PDE4D: variants seen among roughly 807,000 people sequenced by gnomAD.
PDE4D encodes 3',5'-cyclic-AMP phosphodiesterase 4D.
PDE4D carries 24 observed loss-of-function variants against 87.4 expected under a neutral mutation model. The observed-to-expected ratio is 0.27, with a 90% confidence interval of 0.20 to 0.39. The LOEUF is 0.39. PDE4D is among the 10% of genes least tolerant of loss of function. PDE4D has a pLI of 1.00. For synonymous variants in PDE4D, 384 were observed against 383.2 expected (o/e 1.00, Z -0.02); for missense variants, 714 against 1,041.0 (o/e 0.69, Z 4.32).
chr5:59,480,916 C>A (rs1034939442), intron 1 of PDE4D, among the ~76,000 whole-genome samples: 1 of 152,120 alleles, frequency 6.6e-6, no homozygotes, highest in Non-Finnish European at 1.5e-5. Flanking sequence ...CAAGGCCAAT[C>A]GGCTTTAGTG....
intron 1 of PDE4D, chr5:59,768,347 A>G (rs759145497): frequency 6.3e-7 from 1 of 1,598,288 alleles, no homozygotes; most frequent in South Asian, 1.1e-5. Flanking sequence ...ATCACTGGAG[A>G]GAGCTTGGGA....
intron 1 of PDE4D, among the ~76,000 whole-genome samples, chr5:60,253,489 T>A (rs1311965772): frequency 3.3e-5 from 5 of 151,920 alleles, no homozygotes; most frequent in Non-Finnish European, 7.4e-5. Context: ...GAGTCTTCTT[T>A]GGAATATTAG....
intron 1 of PDE4D, among the ~76,000 whole-genome samples, chr5:59,454,550 C>T (rs1799633154): frequency 6.6e-6 from 1 of 152,132 alleles, no homozygotes; most frequent in African/African-American, 2.4e-5. Flanking sequence ...TCTCCCCAGT[C>T]TCAGGTATGT....
intron 1 of PDE4D, among the ~76,000 whole-genome samples, chr5:59,556,312 G>A (rs1818905892): frequency 6.6e-6 from 1 of 151,906 alleles, no homozygotes; most frequent in Non-Finnish European, 1.5e-5. Flanking sequence ...CTCATTCTCT[G>A]TACATTTCTT....
At chr5:59,179,377 C>A (rs2153477361) in intron 5 of PDE4D, among the ~76,000 whole-genome samples, 1 of 152,298 alleles carries the variant, frequency 6.6e-6, no homozygotes, top group Non-Finnish European at 1.5e-5. Flanking sequence ...GCTGAGATTA[C>A]AAGCGTGAGC....
At chr5:59,261,847 G>A (rs1762056646) in intron 1 of PDE4D, among the ~76,000 whole-genome samples, 1 of 151,696 alleles carries the variant, frequency 6.6e-6, no homozygotes, top group Non-Finnish European at 1.5e-5. Flanking sequence ...AATTTACCTA[G>A]AATAAAAATA....
At chr5:60,347,929 A>C (rs76644444) in intron 1 of PDE4D, among the ~76,000 whole-genome samples, 4,127 of 152,270 alleles carry the variant, frequency 0.027, 167 homozygotes, top group African/African-American at 0.094. Flanking sequence ...TTCCCTTCTC[A>C]GTTGTTTTCT....
intron 1 of PDE4D, among the ~76,000 whole-genome samples, chr5:59,311,330 G>A (rs547075139): frequency 9.3e-5 from 14 of 151,134 alleles, no homozygotes; most frequent in Admixed American, 4.0e-4. Flanking sequence ...ACAAAACCCC[G>A]TCTCTACTAA....
chr5:58,984,934 T>C (rs1746058781), intron 11 of PDE4D, among the ~76,000 whole-genome samples: 1 of 152,186 alleles, frequency 6.6e-6, no homozygotes, highest in Admixed American at 6.5e-5. Context: ...TTATTTGAGA[T>C]GGAGTTTCAC....
At chr5:59,395,511 A>C (rs965689618) in intron 1 of PDE4D, among the ~76,000 whole-genome samples, 1 of 152,070 alleles carries the variant, frequency 6.6e-6, no homozygotes, top group African/African-American at 2.4e-5. Flanking sequence ...ACAGACCTGC[A>C]GCTGAGGGTC....
intron 1 of PDE4D, among the ~76,000 whole-genome samples, chr5:59,470,516 A>G (rs1802282635): frequency 6.6e-6 from 1 of 152,196 alleles, no homozygotes; most frequent in African/African-American, 2.4e-5. Context: ...AAGCCGAGAA[A>G]TAGTTTTGAA....
chr5:59,642,462 C>T (rs1056216671), intron 1 of PDE4D, among the ~76,000 whole-genome samples: 9 of 151,988 alleles, frequency 5.9e-5, no homozygotes, highest in African/African-American at 2.2e-4. Flanking sequence ...TGGGGGACAC[C>T]CGGTGGGAGA....
At chr5:59,163,928 T>C (rs1468727459) in intron 5 of PDE4D, among the ~76,000 whole-genome samples, 1 of 152,230 alleles carries the variant, frequency 6.6e-6, no homozygotes, top group East Asian at 1.9e-4. Flanking sequence ...GCTGAGCTTT[T>C]TGTGGCTGTC....
At chr5:59,029,429 A>C (rs866186091) in intron 6 of PDE4D, among the ~76,000 whole-genome samples, 6 of 151,256 alleles carry the variant, frequency 4.0e-5, no homozygotes, top group African/African-American at 1.5e-4. Flanking sequence ...AAAAAAAAAA[A>C]AAAAAAAACT....
chr5:60,112,018 A>G (rs1466833008), intron 2 of PDE4D, among the ~76,000 whole-genome samples: 1 of 151,990 alleles, frequency 6.6e-6, no homozygotes, highest in African/African-American at 2.4e-5. Flanking sequence ...TGATATCTGC[A>G]TCGATTATAT....
At position 60,080,493 on chromosome 5, in the gene PDE4D, T is replaced by A. The variant is rs1773809140; in HGVS notation, c.43-91776A>T. On this transcript the variant is annotated intron_variant, in intron 2 of 16. Coordinates refer to the PDE4D transcript ENST00000502484. ...ATGGAATGCTTCCAGGTTTTGCCCA[T>A]TCAATATGACATTGGCTGTGGGTTT... is the stretch of plus-strand genomic sequence containing the variant. Among the ~76,000 whole-genome samples, 3 of 152,330 alleles carry A rather than the reference T, an allele frequency of 2.0e-5. No individual in the cohort carries two copies. The Middle Eastern group carries it at 0.01, about 518-fold the overall frequency.
At chr5:59,454,297 G>A (rs915699945) in intron 1 of PDE4D, among the ~76,000 whole-genome samples, 8 of 152,204 alleles carry the variant, frequency 5.3e-5, no homozygotes, top group African/African-American at 1.9e-4. Context: ...ATTCCCACAT[G>A]TCGTGGGAGA....
At chr5:59,110,504 A>T (rs1180943059) in intron 5 of PDE4D, among the ~76,000 whole-genome samples, 2 of 152,234 alleles carry the variant, frequency 1.3e-5, no homozygotes, top group African/African-American at 4.8e-5. Flanking sequence ...CATTGTTTCA[A>T]GCACTATGTA....
intron 1 of PDE4D, among the ~76,000 whole-genome samples, chr5:59,568,759 A>T (rs925127086): frequency 6.6e-6 from 1 of 152,156 alleles, no homozygotes; most frequent in South Asian, 2.1e-4. Flanking sequence ...AAAAACAAGG[A>T]AAATCTGAGA....
Sources: allele counts gnomAD v4.1 joint callset (sites outside exome capture counted in the v4.1 genomes callset), GRCh38; gene constraint gnomAD v4.1.1; transcripts MANE v1.5; gene names NCBI Gene and HGNC (gene_info 2026-07-23, HGNC 2026-07-21).